Variants in LRRC37A2 observed in about 807,000 individuals in gnomAD.
The protein encoded by LRRC37A2 is leucine rich repeat containing 37 member A2, also known as leucine-rich repeat-containing protein 37A2.
LRRC37A2 carries 9 observed loss-of-function variants against 68.8 expected under a neutral mutation model. The observed-to-expected ratio is 0.13, with a 90% confidence interval of 0.08 to 0.23. The LOEUF is 0.23. LRRC37A2 is among the 10% of genes least tolerant of loss of function. The pLI is 1.00. For synonymous variants in LRRC37A2, 63 were observed against 367.6 expected (o/e 0.17, Z 9.48); for missense variants, 168 against 950.4 (o/e 0.18, Z 10.82).
chr17:46,944,443 C>T, the LRRC37A2 span, among the ~76,000 whole-genome samples: 7 of 152,102 alleles, frequency 4.6e-5, no homozygotes, highest in East Asian at 1.9e-4. Flanking sequence ...GCCCGAGTCA[C>T]GTAGTGCTTT....
chr17:46,763,831 C>CAAAAAAAAAA, the LRRC37A2 span: 3 of 123,664 alleles, frequency 2.4e-5, no homozygotes, highest in African/African-American at 6.4e-5. Flanking sequence ...CCACTACCAC[C>CAAAAAAAAAA]AAAAAAAAAA....
the LRRC37A2 span, chr17:46,762,461 C>T: frequency 1.3e-5 from 2 of 151,852 alleles, no homozygotes; most frequent in Non-Finnish European, 2.9e-5. Context: ...TCCTTGACCT[C>T]CTGAGCATTA....
At chr17:46,493,238 G>T in the LRRC37A2 span, among the ~76,000 whole-genome samples, 1,798 of 113,068 alleles carry the variant, frequency 0.016, no homozygotes, top group Non-Finnish European at 0.024. Flanking sequence ...ACTCACTGCA[G>T]CCGCCACCTT....
At chr17:46,455,718 G>T in the LRRC37A2 span, among the ~76,000 whole-genome samples, 2 of 149,262 alleles carry the variant, frequency 1.3e-5, no homozygotes, top group Non-Finnish European at 3.0e-5. Flanking sequence ...ATACTTAGGA[G>T]TGTGACACTG....
chr17:46,986,063 A>C, the LRRC37A2 span, among the ~76,000 whole-genome samples: 1 of 152,106 alleles, frequency 6.6e-6, no homozygotes, highest in Non-Finnish European at 1.5e-5. Flanking sequence ...TGACCTAAAC[A>C]GATTTCATTG....
chr17:46,871,305 C>G, the LRRC37A2 span, among the ~76,000 whole-genome samples: 1 of 152,304 alleles, frequency 6.6e-6, no homozygotes, highest in African/African-American at 2.4e-5. Flanking sequence ...TCCACCCACA[C>G]TGGGGGCACC....
chr17:46,994,063 C>T, the LRRC37A2 span, among the ~76,000 whole-genome samples: 2 of 152,106 alleles, frequency 1.3e-5, no homozygotes, highest in African/African-American at 2.4e-5. Flanking sequence ...TTGACTATAC[C>T]GTGGAATCAC....
chr17:46,964,536 G>C, the LRRC37A2 span: 1 of 152,490 alleles, frequency 6.6e-6, no homozygotes, highest in Non-Finnish European at 1.5e-5. Flanking sequence ...AGGTGGGGAG[G>C]CTGGTTGTCC....
the LRRC37A2 span, chr17:46,409,009 TACTA>T: frequency 1.0e-5 from 4 of 400,034 alleles, no homozygotes; most frequent in African/African-American, 1.4e-4. Context: ...CAATGTGGAG[TACTA>T]ACTGTGTTTC....
chr17:46,749,154 G>C, the LRRC37A2 span, among the ~76,000 whole-genome samples: 2 of 152,162 alleles, frequency 1.3e-5, no homozygotes, highest in South Asian at 4.1e-4. Flanking sequence ...GAAAAGCCAA[G>C]AGAATTGAAA....
At chr17:46,861,351 G>A in the LRRC37A2 span, among the ~76,000 whole-genome samples, 1 of 152,124 alleles carries the variant, frequency 6.6e-6, no homozygotes, top group African/African-American at 2.4e-5. Context: ...AGTGCTCCCT[G>A]GTCTGCAGTG....
At chr17:46,765,425 T>C in the LRRC37A2 span, among the ~76,000 whole-genome samples, 2 of 152,314 alleles carry the variant, frequency 1.3e-5, no homozygotes, top group African/African-American at 4.8e-5. Context: ...AGACACTGGG[T>C]AAAAGCTACA....
At chr17:46,770,342 C>CATA in the LRRC37A2 span, among the ~76,000 whole-genome samples, 8 of 152,238 alleles carry the variant, frequency 5.3e-5, no homozygotes, top group Non-Finnish European at 1.2e-4. Flanking sequence ...GACACCAAAC[C>CATA]TCTGGCAGGT....
At chr17:46,979,624 G>A in the LRRC37A2 span, among the ~76,000 whole-genome samples, 1 of 152,106 alleles carries the variant, frequency 6.6e-6, no homozygotes, top group Non-Finnish European at 1.5e-5. Context: ...GGGACCCCTG[G>A]CGCTGCCCAC....
chr17:47,014,874 G>T, the LRRC37A2 span, among the ~76,000 whole-genome samples: 1 of 151,932 alleles, frequency 6.6e-6, no homozygotes, highest in African/African-American at 2.4e-5. Context: ...ATATTTTGCC[G>T]AAGATCTTTC....
At chr17:46,502,527 C>T in the LRRC37A2 span, among the ~76,000 whole-genome samples, 1 of 150,976 alleles carries the variant, frequency 6.6e-6, no homozygotes, top group African/African-American at 2.5e-5. Context: ...GTCTCGAACT[C>T]CTGACCTCAG....
chr17:46,799,049 A>G, the LRRC37A2 span, among the ~76,000 whole-genome samples: 2 of 146,718 alleles, frequency 1.4e-5, no homozygotes, highest in Non-Finnish European at 3.1e-5. Flanking sequence ...TCCGTCTCAA[A>G]AAAAAAAAAA....
At chr17:46,788,608 A>T in the LRRC37A2 span, among the ~76,000 whole-genome samples, 1 of 152,224 alleles carries the variant, frequency 6.6e-6, no homozygotes, top group Non-Finnish European at 1.5e-5. Flanking sequence ...TACATCCGTC[A>T]CAGGTAACCT....
chr17:46,711,079 G>T, the LRRC37A2 span: 1 of 1,576,330 alleles, frequency 6.3e-7, no homozygotes, highest in East Asian at 2.4e-5. Context: ...AGCAGACTAA[G>T]AACAGTGACC....
Sources: allele counts gnomAD v4.1 joint callset (sites outside exome capture counted in the v4.1 genomes callset), GRCh38; gene constraint gnomAD v4.1.1; transcripts MANE v1.5; gene names NCBI Gene and HGNC (gene_info 2026-07-23, HGNC 2026-07-21).